The following SPECC1 variants were observed in gnomAD, a reference collection of about 807,000 sequenced individuals.
SPECC1 encodes sperm antigen with calponin homology and coiled-coil domains 1.
In SPECC1, 62 loss-of-function variants were observed where a neutral mutation model predicts 104.1. The ratio of observed to expected loss-of-function variants is 0.60; its 90% confidence interval spans 0.49 to 0.74. SPECC1 has a LOEUF of 0.74. SPECC1 is among the 30% of genes least tolerant of loss of function. SPECC1 has a pLI of 0.00. For missense variants in SPECC1, 1,306 were observed against 1,310.5 expected, an observed-to-expected ratio of 1.00 and a Z score of 0.05; for synonymous variants, 513 against 501.6, an observed-to-expected ratio of 1.02 and a Z score of -0.30.
At chr17:20,118,015 G>A (rs979376569) in intron 3 of SPECC1, among the ~76,000 whole-genome samples, 1 of 151,914 alleles carries the variant, frequency 6.6e-6, no homozygotes, top group Non-Finnish European at 1.5e-5. Flanking sequence ...AGAGGTGGGA[G>A]GATCACTTGA....
chr17:20,082,284 G>T (rs1248296789), intron 1 of SPECC1, among the ~76,000 whole-genome samples: 1 of 152,100 alleles, frequency 6.6e-6, no homozygotes, highest in Non-Finnish European at 1.5e-5. Flanking sequence ...CAGACTGTAG[G>T]TCTTAAACAA....
chr17:20,267,297 G>C (rs558940064), intron 12 of SPECC1, among the ~76,000 whole-genome samples: 15 of 152,292 alleles, frequency 9.8e-5, no homozygotes, highest in African/African-American at 3.6e-4. Flanking sequence ...GCCTGACTCA[G>C]ATAACTCCTA....
At chr17:20,242,619 A>T (rs577841654) in intron 7 of SPECC1, among the ~76,000 whole-genome samples, 4 of 152,336 alleles carry the variant, frequency 2.6e-5, no homozygotes, top group African/African-American at 9.6e-5. Context: ...AATGTACTTA[A>T]AATTTAGGAA....
chr17:20,227,368 AT>A (rs938616225), intron 4 of SPECC1, 44 bp from the exon 5 acceptor site: 6 of 1,567,976 alleles, frequency 3.8e-6, no homozygotes, highest in Admixed American at 3.6e-5. Context: ...CACTGTGGGA[AT>A]TTTTTTGTTG....
intron 1 of SPECC1, among the ~76,000 whole-genome samples, chr17:20,070,712 A>G (rs1167891219): frequency 6.6e-6 from 1 of 152,112 alleles, no homozygotes; most frequent in African/African-American, 2.4e-5. Flanking sequence ...CTTTGTATTC[A>G]TTCATGATTA....
chr17:20,226,147 A>G (rs1015408320), intron 4 of SPECC1, among the ~76,000 whole-genome samples: 1 of 152,196 alleles, frequency 6.6e-6, no homozygotes, highest in Non-Finnish European at 1.5e-5. Flanking sequence ...CTATTTAGTA[A>G]TGTTAATTAA....
intron 3 of SPECC1, among the ~76,000 whole-genome samples, chr17:20,118,008 G>A (rs576802502): frequency 7.2e-5 from 11 of 152,024 alleles, no homozygotes; most frequent in Non-Finnish European, 1.5e-4. Flanking sequence ...GGGAGACAGA[G>A]GTGGGAGGAT....
intron 11 of SPECC1, among the ~76,000 whole-genome samples, 197 bp from the exon 12 acceptor site, chr17:20,259,991 TAGTC>T (rs1377235485): frequency 6.6e-6 from 1 of 152,234 alleles, no homozygotes; most frequent in African/African-American, 2.4e-5. Context: ...AAATTTATGA[TAGTC>T]AGGAAGCACA....
chr17:20,300,019 A>G (rs1195297684), intron 13 of SPECC1, among the ~76,000 whole-genome samples: 1 of 152,264 alleles, frequency 6.6e-6, no homozygotes, highest in Non-Finnish European at 1.5e-5. Flanking sequence ...AATGTGGCAG[A>G]TGTGACTGAA....
intron 13 of SPECC1, among the ~76,000 whole-genome samples, chr17:20,298,355 G>T (rs1465997098): frequency 6.6e-6 from 1 of 152,140 alleles, no homozygotes; most frequent in South Asian, 2.1e-4. Context: ...AAACAAACTG[G>T]CATTGGAAGG....
intron 12 of SPECC1, among the ~76,000 whole-genome samples, chr17:20,278,699 GTCTCTC>G (rs3072444): frequency 5.5e-4 from 81 of 147,362 alleles, no homozygotes; most frequent in African/African-American, 1.2e-3. Flanking sequence ...GTGAGACCCT[GTCTCTC>G]TCTCTCTCTC....
At position 20,043,172 on chromosome 17, in the gene SPECC1, C is replaced by T. The variant is rs561661636; in HGVS notation, c.-22+33748C>T. Among the ~76,000 whole-genome samples the T allele has an allele frequency of 1.1e-4, 17 of 152,180 alleles. No homozygotes were observed. The East Asian group carries it at 2.3e-3, about 21-fold the overall frequency. Reference sequence around the variant, plus strand: ...TGTGATTAGCTTCAAACAGTTTTGGCGAGAAGCTGTGTGGGCGATGCTGTG... The same window carrying T: ...TGTGATTAGCTTCAAACAGTTTTGGTGAGAAGCTGTGTGGGCGATGCTGTG... On this transcript the variant is annotated intron_variant, in intron 1 of 14. Transcript: ENST00000395527.
chr17:20,205,072 G>T lies in SPECC1; in HGVS notation c.1023G>T (p.Arg341Ser). Reference protein sequence around the residue: ...FEHITAETPSRPLSSTSNPFK... With the variant: ...FEHITAETPSSPLSSTSNPFK... ...ACATTACAGCAGAGACACCCTCAAG[G>T]CCCCTGTCCTCCACCAGTAACCCCT... The change falls in exon 4 of 15, where the codon AGG becomes AGT. Residue 341 changes from arginine (R) to serine (S), a missense_variant. Coordinates refer to ENST00000395527, the MANE Select transcript of SPECC1 (RefSeq NM_001243439.2). 1 of 1,614,164 alleles carries T rather than the reference G, an allele frequency of 6.2e-7. No individual in the cohort carries two copies. The highest frequency in any genetic ancestry group is 8.5e-7 in the Non-Finnish European group (1 of 1,180,020).
chr17:20,302,095 A>G (rs73309106), intron 13 of SPECC1, among the ~76,000 whole-genome samples: 1,931 of 152,320 alleles, frequency 0.013, 44 homozygotes, highest in African/African-American at 0.044. Context: ...GGACTCAGGT[A>G]GTGGACTGGA....
At chr17:20,202,635 T>G (rs191770589) in intron 3 of SPECC1, among the ~76,000 whole-genome samples, 1 of 152,366 alleles carries the variant, frequency 6.6e-6, no homozygotes, top group African/African-American at 2.4e-5. Flanking sequence ...CTATCTCATT[T>G]TATCTTAAGA....
intron 3 of SPECC1, among the ~76,000 whole-genome samples, chr17:20,175,655 T>G (rs1219062397): frequency 6.6e-6 from 1 of 152,234 alleles, no homozygotes; most frequent in Non-Finnish European, 1.5e-5. Flanking sequence ...TTTAAACATC[T>G]TACTGAAAAT....
chr17:20,236,769 G>C, intron 7 of SPECC1: 3 of 1,521,102 alleles, frequency 2.0e-6, no homozygotes, highest in Non-Finnish European at 2.7e-6. Flanking sequence ...GTGGGACAGT[G>C]TAAGCTGGAA....
At chr17:20,058,255 G>C (rs1401089493) in intron 1 of SPECC1, among the ~76,000 whole-genome samples, 7 of 152,110 alleles carry the variant, frequency 4.6e-5, no homozygotes, top group Non-Finnish European at 1.0e-4. Context: ...ATGTATTTCA[G>C]TATGGAAAAG....
intron 13 of SPECC1, among the ~76,000 whole-genome samples, chr17:20,299,767 A>G (rs1387113129): frequency 2.0e-5 from 3 of 152,162 alleles, no homozygotes; most frequent in Admixed American, 2.0e-4. Context: ...TTCTGGGGGA[A>G]AGATTGTATT....
Sources: allele counts gnomAD v4.1 joint callset (sites outside exome capture counted in the v4.1 genomes callset), GRCh38; gene constraint gnomAD v4.1.1; transcripts MANE v1.5; gene names NCBI Gene and HGNC (gene_info 2026-07-23, HGNC 2026-07-21).